Variants in LRRC37A2 observed in about 807,000 individuals in gnomAD.
LRRC37A2 encodes the protein leucine rich repeat containing 37 member A2.
A neutral mutation model predicts 68.8 loss-of-function variants in LRRC37A2; 9 were observed. The observed-to-expected ratio is 0.13, with a 90% CI of 0.08 to 0.23. The LOEUF (loss-of-function observed/expected upper bound fraction) is 0.23, where lower values mean the gene tolerates loss of function less well. LRRC37A2 is among the 10% of genes least tolerant of loss of function. The probability of loss-of-function intolerance (pLI) is 1.00; values close to 1 mark genes in which losing one functional copy is unlikely to be tolerated. For synonymous variants in LRRC37A2, 63 were observed against 367.6 expected (o/e 0.17, Z 9.48); for missense variants, 168 against 950.4 (o/e 0.18, Z 10.82).
the LRRC37A2 span, chr17:46,932,565 A>T: frequency 4.1e-6 from 2 of 489,446 alleles, no homozygotes; most frequent in Non-Finnish European, 7.2e-6. Context: ...CAGCATTTCA[A>T]AGCTGCCTGC....
At chr17:46,900,785 C>T in the LRRC37A2 span, among the ~76,000 whole-genome samples, 1 of 152,058 alleles carries the variant, frequency 6.6e-6, no homozygotes, top group Non-Finnish European at 1.5e-5. Context: ...CCATGTCATC[C>T]CAGAAAGGTG....
chr17:46,802,505 T>A, the LRRC37A2 span, among the ~76,000 whole-genome samples: 1 of 152,170 alleles, frequency 6.6e-6, no homozygotes, highest in South Asian at 2.1e-4. Flanking sequence ...TGACCTCAGA[T>A]GATCCACCTG....
the LRRC37A2 span, among the ~76,000 whole-genome samples, chr17:46,870,246 G>A: frequency 5.9e-5 from 9 of 152,078 alleles, no homozygotes; most frequent in African/African-American, 1.2e-4. Context: ...ACCAGCCCTC[G>A]GTGTGAGAAG....
chr17:46,722,071 C>A, the LRRC37A2 span: 1 of 1,610,858 alleles, frequency 6.2e-7, no homozygotes, highest in Non-Finnish European at 8.5e-7. Flanking sequence ...GGTCCGAGTT[C>A]ATCTCCAGCT....
At chr17:47,009,197 ATCATAGCT>A in the LRRC37A2 span, among the ~76,000 whole-genome samples, 1 of 152,192 alleles carries the variant, frequency 6.6e-6, no homozygotes, top group South Asian at 2.1e-4. Flanking sequence ...TTATCTACAA[ATCATAGCT>A]TCATACACAT....
chr17:46,964,986 A>G, the LRRC37A2 span: 1 of 152,204 alleles, frequency 6.6e-6, no homozygotes, highest in Non-Finnish European at 1.5e-5. Flanking sequence ...TACCATGGCA[A>G]CCTCATTCCA....
At chr17:46,892,989 T>C in the LRRC37A2 span, among the ~76,000 whole-genome samples, 1 of 151,866 alleles carries the variant, frequency 6.6e-6, no homozygotes, top group Admixed American at 6.6e-5. Flanking sequence ...CAGGCTGGAG[T>C]GCATGGTGCG....
At chr17:46,736,084 A>T in the LRRC37A2 span, among the ~76,000 whole-genome samples, 1 of 152,210 alleles carries the variant, frequency 6.6e-6, no homozygotes, top group South Asian at 2.1e-4. Context: ...GGAATGCCTG[A>T]ACCCAACTTC....
At chr17:46,842,668 C>G in the LRRC37A2 span, among the ~76,000 whole-genome samples, 1 of 152,176 alleles carries the variant, frequency 6.6e-6, no homozygotes, top group Non-Finnish European at 1.5e-5. Context: ...CCACCGTACC[C>G]TGCTTTAAAC....
At chr17:47,023,616 TG>T in the LRRC37A2 span, among the ~76,000 whole-genome samples, 1 of 152,032 alleles carries the variant, frequency 6.6e-6, no homozygotes, top group African/African-American at 2.4e-5. Flanking sequence ...TTTTTTCAGA[TG>T]GAATTTTGTT....
the LRRC37A2 span, among the ~76,000 whole-genome samples, chr17:46,662,898 T>C: frequency 7.0e-6 from 1 of 142,838 alleles, no homozygotes; most frequent in African/African-American, 2.5e-5. Flanking sequence ...AGTCCTTTAA[T>C]GTAGGCCGAA....
At chr17:46,851,832 C>T in the LRRC37A2 span, 2 of 479,614 alleles carry the variant, frequency 4.2e-6, no homozygotes, top group Non-Finnish European at 6.5e-6. This position sits in a 1 kb window ranked among gnomAD's most constrained non-coding sequence, Gnocchi z 4.3. Context: ...GTCTCGAACT[C>T]AGACCCTAGC....
the LRRC37A2 span, among the ~76,000 whole-genome samples, chr17:46,770,318 TAGAAAC>T: frequency 6.6e-6 from 1 of 152,222 alleles, no homozygotes; most frequent in African/African-American, 2.4e-5. Flanking sequence ...CAGTGCCTGT[TAGAAAC>T]AGGCGCCGAC....
chr17:46,870,007 AT>A, the LRRC37A2 span, among the ~76,000 whole-genome samples: 4 of 152,046 alleles, frequency 2.6e-5, no homozygotes, highest in Admixed American at 6.6e-5. Context: ...AAAAAAAAAA[AT>A]GTTATATATC....
chr17:46,560,621 A>C (rs1598606122), downstream of LRRC37A2: 1 of 43,054 alleles, frequency 2.3e-5, no homozygotes, highest in African/African-American at 1.1e-4. Context: ...TCAAGGCTCG[A>C]GTGCAGTGGT....
the LRRC37A2 span, among the ~76,000 whole-genome samples, chr17:46,841,560 G>A: frequency 1.6e-4 from 25 of 152,358 alleles, no homozygotes; most frequent in Admixed American, 3.3e-4. Context: ...GTTAAGGTGG[G>A]GGCGTGGGGA....
the LRRC37A2 span, among the ~76,000 whole-genome samples, chr17:46,953,435 T>C: frequency 1.3e-5 from 2 of 152,262 alleles, no homozygotes; most frequent in African/African-American, 4.8e-5. Flanking sequence ...ATTTTCCTAA[T>C]CCAGTCTATC....
chr17:46,966,905 C>A, the LRRC37A2 span: 1 of 395,588 alleles, frequency 2.5e-6, no homozygotes, highest in Non-Finnish European at 4.5e-6. Context: ...AAAGGGAAAT[C>A]ATTTTCATGA....
chr17:46,501,531 G>T, the LRRC37A2 span, among the ~76,000 whole-genome samples: 1 of 151,276 alleles, frequency 6.6e-6, no homozygotes, highest in Admixed American at 6.6e-5. Flanking sequence ...TCGTCTGCCG[G>T]CTGTTATATA....
Sources: gnomAD v4.1 joint callset for allele counts (sites outside exome capture counted in the v4.1 genomes callset) on GRCh38, gnomAD v4.1.1 for gene constraint, Gnocchi (gnomAD v3.1) non-coding constraint, MANE v1.5 for transcripts, NCBI Gene and HGNC (gene_info 2026-07-23, HGNC 2026-07-21) for gene names.